Variants in LDLRAD4 observed in about 807,000 individuals in gnomAD.
LDLRAD4 encodes low-density lipoprotein receptor class A domain-containing protein 4.
Under a neutral mutation model 17.0 loss-of-function variants are expected in LDLRAD4, and 5 were observed. That is an observed-to-expected ratio of 0.29 (90% CI 0.15 to 0.62). The LOEUF is 0.62. Among genes scored for constraint, LDLRAD4 ranks in the 20% least tolerant of loss-of-function variants. LDLRAD4 has a pLI of 0.84. For missense variants in LDLRAD4, 340 were observed against 424.7 expected (o/e 0.80, Z 1.75); for synonymous variants, 168 against 171.8 (o/e 0.98, Z 0.17).
chr18:13,334,883 T>G (rs2082031377), intron 1 of LDLRAD4, among the ~76,000 whole-genome samples: 4 of 152,198 alleles, frequency 2.6e-5, no homozygotes, highest in Admixed American at 2.6e-4. Flanking sequence ...CGATTTCTTT[T>G]CTGAGAATGG....
At chr18:13,343,301 C>G (rs964633454) in intron 1 of LDLRAD4, among the ~76,000 whole-genome samples, 7 of 137,074 alleles carry the variant, frequency 5.1e-5, no homozygotes, top group Non-Finnish European at 3.0e-5. Flanking sequence ...TCTCATTGTT[C>G]AGTTCCCACC....
chr18:13,586,727 A>C (rs2094940462), intron 3 of LDLRAD4, among the ~76,000 whole-genome samples: 1 of 152,032 alleles, frequency 6.6e-6, no homozygotes, highest in African/African-American at 2.4e-5. Context: ...CGTCTCTACA[A>C]AAATACAAAA....
intron 2 of LDLRAD4, among the ~76,000 whole-genome samples, chr18:13,410,512 G>A (rs2088236370): frequency 6.6e-6 from 1 of 152,112 alleles, no homozygotes; most frequent in Non-Finnish European, 1.5e-5. Flanking sequence ...AAACCTTTAT[G>A]GGTATGTATA....
At chr18:13,421,709 G>T (rs192847065) in intron 2 of LDLRAD4, among the ~76,000 whole-genome samples, 4 of 152,084 alleles carry the variant, frequency 2.6e-5, no homozygotes, top group Admixed American at 2.6e-4. Flanking sequence ...CCCACCCACC[G>T]CCCTGTTGTT....
At chr18:13,523,160 T>G (rs2093979140) in intron 3 of LDLRAD4, among the ~76,000 whole-genome samples, 1 of 152,134 alleles carries the variant, frequency 6.6e-6, no homozygotes, top group East Asian at 1.9e-4. Flanking sequence ...CCCTGGGTGG[T>G]CTCCTTTCCT....
At chr18:13,600,758 G>A (rs2095151546) in intron 3 of LDLRAD4, among the ~76,000 whole-genome samples, 1 of 152,074 alleles carries the variant, frequency 6.6e-6, no homozygotes, top group Non-Finnish European at 1.5e-5. Context: ...AATTGTAAAG[G>A]TATTTGCAGT....
intron 4 of LDLRAD4, chr18:13,642,323 C>G (rs906144693): frequency 1.0e-6 from 1 of 997,126 alleles, no homozygotes; most frequent in Non-Finnish European, 1.2e-6. Context: ...TGAGTTCGCG[C>G]TCTCCCGTGA....
intron 1 of LDLRAD4, among the ~76,000 whole-genome samples, chr18:13,314,708 G>A (rs1286540689): frequency 6.6e-6 from 1 of 152,318 alleles, no homozygotes; most frequent in South Asian, 2.1e-4. Context: ...GGAGCTTGTG[G>A]CAGTCTTGTA....
intron 3 of LDLRAD4, among the ~76,000 whole-genome samples, chr18:13,597,192 C>A (rs1226636225): frequency 6.6e-6 from 1 of 152,100 alleles, no homozygotes; most frequent in Non-Finnish European, 1.5e-5. Context: ...ATATAAAATT[C>A]TTGGTTCACA....
In LDLRAD4 at chr18:13,301,152, G is replaced by A. The variant is rs551938207; in HGVS notation, c.-383+22964G>A. On this transcript the variant is annotated intron_variant, in intron 1 of 5. Transcript: ENST00000359446. ...GTGAGTTTAGGGATGCTGCCTACTCGGTCCTATCTTGGAGAGCCTCAGTGT... is the reference window on the plus strand; with the variant it reads ...GTGAGTTTAGGGATGCTGCCTACTCAGTCCTATCTTGGAGAGCCTCAGTGT... Among the ~76,000 whole-genome samples the A allele has an allele frequency of 1.4e-4, 21 of 152,302 alleles. 1 individual carries two copies. The South Asian group carries it at 3.9e-3, about 29-fold the overall frequency.
chr18:13,370,714 T>TTTTTTTTTTTTTTTTTTTTTTTTTTTG (rs1555663222), intron 1 of LDLRAD4, among the ~76,000 whole-genome samples: 2 of 29,246 alleles, frequency 6.8e-5, no homozygotes, highest in East Asian at 9.2e-4. Context: ...TTTTGTTTTG[T>TTTTTTTTTTTTTTTTTTTTTTTTTTTG]TTTTTTTTTT....
chr18:13,412,117 A>G (rs1429238667), intron 2 of LDLRAD4, among the ~76,000 whole-genome samples: 1 of 152,206 alleles, frequency 6.6e-6, no homozygotes, highest in Non-Finnish European at 1.5e-5. Flanking sequence ...TGTTGAGATT[A>G]CAGGGATGAG....
chr18:13,424,028 A>G (rs1236876362), intron 2 of LDLRAD4, among the ~76,000 whole-genome samples: 3 of 152,050 alleles, frequency 2.0e-5, no homozygotes, highest in African/African-American at 7.2e-5. Context: ...CTAGCTACTC[A>G]GGAGGCTGAG....
chr18:13,338,093 C>G lies in LDLRAD4; in HGVS notation c.-382-49248C>G, dbSNP rs117252717. The stretch of plus-strand genomic sequence containing the variant: ...AGTTACCCCTTTTCCCTTCTCTTTC[C>G]CTTCTCCTTACTGCTGTGACCCCGA... On this transcript the variant is annotated intron_variant, in intron 1 of 5. Transcript: ENST00000359446. Among the ~76,000 whole-genome samples, 60 of 152,284 alleles carry G rather than the reference C, an allele frequency of 3.9e-4. 1 individual carries two copies. In the East Asian group the frequency reaches 0.01, roughly 26 times the overall value.
chr18:13,268,719 A>G (rs948953224), intron 1 of LDLRAD4, among the ~76,000 whole-genome samples: 2 of 152,246 alleles, frequency 1.3e-5, no homozygotes, highest in Admixed American at 6.5e-5. Context: ...AGTGGCTTGG[A>G]AAGATTTTCA....
At chr18:13,324,164 G>A (rs1324491930) in intron 1 of LDLRAD4, among the ~76,000 whole-genome samples, 1 of 150,032 alleles carries the variant, frequency 6.7e-6, no homozygotes, top group African/African-American at 2.5e-5. Context: ...TTGAGACGGA[G>A]TCTCGCTCTG....
At chr18:13,334,670 A>C (rs1162021804) in intron 1 of LDLRAD4, among the ~76,000 whole-genome samples, 1 of 152,154 alleles carries the variant, frequency 6.6e-6, no homozygotes, top group African/African-American at 2.4e-5. Context: ...TTTCCCAATC[A>C]GTGTGCCTTT....
At chr18:13,467,656 T>C (rs1476001242) in intron 3 of LDLRAD4, among the ~76,000 whole-genome samples, 1 of 152,206 alleles carries the variant, frequency 6.6e-6, no homozygotes, top group African/African-American at 2.4e-5. Context: ...AAGATTCATA[T>C]AGAATTTCAA....
intron 3 of LDLRAD4, among the ~76,000 whole-genome samples, chr18:13,512,973 A>C (rs2093806078): frequency 6.6e-6 from 1 of 152,232 alleles, no homozygotes; most frequent in Non-Finnish European, 1.5e-5. Context: ...TCTCTGAATT[A>C]TCAAATGATA....
Sources: allele counts gnomAD v4.1 joint callset (sites outside exome capture counted in the v4.1 genomes callset), GRCh38; gene constraint gnomAD v4.1.1; transcripts MANE v1.5; gene names NCBI Gene and HGNC (gene_info 2026-07-23, HGNC 2026-07-21).